The following CCDC138 variants were observed in gnomAD, a reference collection of about 807,000 sequenced individuals.
The protein encoded by CCDC138 is coiled-coil domain containing 138.
In CCDC138, 66 loss-of-function variants were observed where a neutral mutation model predicts 82.3. The observed-to-expected ratio is 0.80, with a 90% CI of 0.66 to 0.98. The LOEUF is 0.98. CCDC138 is among the 50% of genes least tolerant of loss of function. The pLI is 0.00. For synonymous variants in CCDC138, 297 were observed against 265.4 expected (o/e 1.12, Z -1.16); for missense variants, 816 against 758.9 (o/e 1.08, Z -0.88).
chr2:108,823,351 A>G (rs966827245), intron 10 of CCDC138, among the ~76,000 whole-genome samples: 2 of 152,242 alleles, frequency 1.3e-5, no homozygotes, highest in African/African-American at 4.8e-5. Flanking sequence ...CTATTGACTA[A>G]TACCTTGATA....
chr2:108,844,631 T>C (rs1335171335), intron 11 of CCDC138, among the ~76,000 whole-genome samples: 2 of 152,172 alleles, frequency 1.3e-5, no homozygotes, highest in African/African-American at 2.4e-5. Context: ...ACATTTTGGG[T>C]CTAGATTTGT....
intron 10 of CCDC138, among the ~76,000 whole-genome samples, chr2:108,831,857 C>A (rs143847535): frequency 6.6e-6 from 1 of 152,038 alleles, no homozygotes; most frequent in South Asian, 2.1e-4. Flanking sequence ...CTCAGCCTCC[C>A]GAGTAGCTGG....
At chr2:108,811,247 C>CTCTCTTTTTTTTTTT (rs760937756) in intron 7 of CCDC138, among the ~76,000 whole-genome samples, 1 of 113,938 alleles carries the variant, frequency 8.8e-6, no homozygotes, top group South Asian at 3.0e-4. Flanking sequence ...TTCTCTCTCT[C>CTCTCTTTTTTTTTTT]TTTTTTTTTT....
In CCDC138 at chr2:108,834,718, C is replaced by G. The variant is rs544779496; in HGVS notation, c.1207-4467C>G. Among the ~76,000 whole-genome samples the G allele has an allele frequency of 5.3e-5, 8 of 152,288 alleles. No individual in the cohort carries two copies. The East Asian group carries it at 1.3e-3, about 26-fold the overall frequency. On this transcript the variant is annotated intron_variant, in intron 10 of 14. Transcript: ENST00000295124. ...ATCAATTTCAAGAATTTTTCATTAT[C>G]TGAAACAATTCTGTACCCGTTTAAC...
At chr2:108,852,563 A>G (rs995328171) in intron 12 of CCDC138, among the ~76,000 whole-genome samples, 6 of 152,244 alleles carry the variant, frequency 3.9e-5, no homozygotes, top group Admixed American at 1.3e-4. Flanking sequence ...ATGGAATACT[A>G]TGCAGCCATT....
At position 108,839,316 on chromosome 2, in the gene CCDC138, G is replaced by A. The variant is rs757538738; in HGVS notation, c.1323+15G>A. 1 of 1,598,418 alleles carries A rather than the reference G, an allele frequency of 6.3e-7. No individual in the cohort carries two copies. The highest frequency in any genetic ancestry group is 8.5e-7 in the Non-Finnish European group (1 of 1,171,340). On this transcript the variant is annotated intron_variant, in intron 11 of 14. Transcript: ENST00000295124. The stretch of plus-strand genomic sequence containing the variant: ...CTGGAGCACAGGTAATTGGTTAATA[G>A]GAATTTATCTATAAGTAATACTCCA...
rs201819489 is a variant in CCDC138 at position 108,873,497 on chromosome 2, T to C, written c.1740T>C (p.Phe580=). The C allele has an allele frequency of 3.6e-4, 575 of 1,608,812 alleles. 3 individuals are homozygous for C. In the East Asian group the frequency reaches 0.012, roughly 33 times the overall value. Reference sequence around the variant, plus strand: ...AAGCCTGTAGCAACTCTTTATTTTTTCGTACTTGCTCTGTGCTGCTTCGAG... The same window carrying C: ...AAGCCTGTAGCAACTCTTTATTTTTCCGTACTTGCTCTGTGCTGCTTCGAG... The part of the protein sequence containing the change: ...FLEACSNSLF[F]RTCSVLLRAP... Residue 580 remains phenylalanine (F), a synonymous_variant, in exon 14 of 15, where the codon TTT becomes TTC. Coordinates refer to ENST00000295124, the MANE Select transcript of CCDC138 (RefSeq NM_144978.3).
rs567626028 is a variant in CCDC138, at chr2:108,813,269, A to G, written c.1041+342A>G. 2.9e-3 allele frequency among the ~76,000 whole-genome samples: 437 copies of G among 151,050 alleles called. 2 individuals carry two copies. Among genetic ancestry groups the G allele is most frequent in the African/African-American group, 9.6e-3 (396 of 41,236 alleles). Reference sequence around the variant, plus strand: ...GTCTCAAAAAAAAAAAAAAAAAAAAAAAAGAAAATTTCTCCAATGGAAAGC... The same window carrying G: ...GTCTCAAAAAAAAAAAAAAAAAAAAGAAAGAAAATTTCTCCAATGGAAAGC... On this transcript the variant is annotated intron_variant, in intron 9 of 14. Transcript: ENST00000295124.
chr2:108,788,569 A>C (rs914724980), intron 2 of CCDC138, among the ~76,000 whole-genome samples: 2 of 151,180 alleles, frequency 1.3e-5, no homozygotes, highest in African/African-American at 4.9e-5. Context: ...AAATACAAAA[A>C]ATTAGCCGGG....
chr2:108,873,936 T>C (rs559091299), intron 14 of CCDC138, among the ~76,000 whole-genome samples: 7 of 152,208 alleles, frequency 4.6e-5, no homozygotes, highest in South Asian at 2.1e-4. Flanking sequence ...ATTATACAGA[T>C]GTAGAAAATT....
intron 10 of CCDC138, among the ~76,000 whole-genome samples, chr2:108,819,119 C>T (rs950242901): frequency 1.3e-5 from 2 of 152,166 alleles, no homozygotes; most frequent in African/African-American, 4.8e-5. Flanking sequence ...CCTTATTCCT[C>T]CATGGAAACA....
At chr2:108,824,410 C>T (rs1205887887) in intron 10 of CCDC138, among the ~76,000 whole-genome samples, 3 of 152,014 alleles carry the variant, frequency 2.0e-5, no homozygotes, top group South Asian at 2.1e-4. Flanking sequence ...AAGACACAAA[C>T]GCACATGTTA....
At chr2:108,828,315 C>T (rs917009257) in intron 10 of CCDC138, among the ~76,000 whole-genome samples, 7 of 151,974 alleles carry the variant, frequency 4.6e-5, no homozygotes, top group African/African-American at 9.7e-5. Flanking sequence ...GATTTAATGA[C>T]GTAAAAACAT....
chr2:108,869,511 G>A (rs114113439), intron 13 of CCDC138, among the ~76,000 whole-genome samples: 1 of 152,266 alleles, frequency 6.6e-6, no homozygotes, highest in African/African-American at 2.4e-5. Flanking sequence ...AGAAGGCCAA[G>A]GAAGGCAGTG....
At chr2:108,787,034 C>T in intron 1 of CCDC138, 119 bp downstream of exon 1, 2 of 540,586 alleles carry the variant, frequency 3.7e-6, no homozygotes, top group South Asian at 1.7e-4. Context: ...CCGGCACTCC[C>T]GCCGTGGCTG....
intron 10 of CCDC138, among the ~76,000 whole-genome samples, chr2:108,836,233 C>T (rs1688557607): frequency 6.6e-6 from 1 of 152,176 alleles, no homozygotes; most frequent in South Asian, 2.1e-4. Context: ...CATTAGATTT[C>T]TCATATGGAT....
chr2:108,854,157 A>G (rs1474097600), intron 12 of CCDC138, among the ~76,000 whole-genome samples: 1 of 144,454 alleles, frequency 6.9e-6, no homozygotes, highest in Non-Finnish European at 1.5e-5. Flanking sequence ...GGACTAGGAC[A>G]TTTGTCCTGT....
chr2:108,877,776 A>G (rs886648750), downstream of CCDC138, among the ~76,000 whole-genome samples: 1 of 152,222 alleles, frequency 6.6e-6, no homozygotes, highest in Admixed American at 6.5e-5. Context: ...TACAGATTGA[A>G]AGGGCTCATC....
chr2:108,806,911 T>G (rs1682971459), intron 7 of CCDC138, among the ~76,000 whole-genome samples: 1 of 152,202 alleles, frequency 6.6e-6, no homozygotes, highest in African/African-American at 2.4e-5. Context: ...CCCCAGGATC[T>G]CAGTTGAAAG....
Sources: allele counts gnomAD v4.1 joint callset (sites outside exome capture counted in the v4.1 genomes callset), GRCh38; gene constraint gnomAD v4.1.1; transcripts MANE v1.5; gene names NCBI Gene and HGNC (gene_info 2026-07-23, HGNC 2026-07-21).